ERAP2: variants seen among roughly 807,000 people sequenced by gnomAD.
ERAP2 encodes endoplasmic reticulum aminopeptidase 2.
Under a neutral mutation model 111.1 loss-of-function variants are expected in ERAP2, and 118 were observed. The ratio of observed to expected loss-of-function variants is 1.06; its 90% CI spans 0.92 to 1.24. The LOEUF (loss-of-function observed/expected upper bound fraction) is 1.24. ERAP2 is among the 50% of genes most tolerant of loss of function. The pLI, the probability that ERAP2 is intolerant of heterozygous loss-of-function variation, is 0.00. For missense variants in ERAP2, 1,131 were observed against 1,125.8 expected (o/e 1.00, Z -0.07); for synonymous variants, 410 against 401.2 (o/e 1.02, Z -0.26).
intron 2 of ERAP2, chr5:96,881,241 A>T (rs529643177): frequency 5.5e-6 from 2 of 366,390 alleles, no homozygotes; most frequent in African/African-American, 4.2e-5. Flanking sequence ...TATGTTATAG[A>T]GAAGCAGAGT....
chr5:96,916,408 G>A (rs974923230), intron 18 of ERAP2, among the ~76,000 whole-genome samples: 11 of 150,058 alleles, frequency 7.3e-5, no homozygotes, highest in African/African-American at 1.2e-4. Context: ...GTTTGGAAGC[G>A]TACTTAATGA....
intron 6 of ERAP2, 77 bp downstream of exon 6, chr5:96,892,530 CAA>C (rs1784487024): frequency 6.5e-7 from 1 of 1,530,382 alleles, no homozygotes; most frequent in Non-Finnish European, 8.9e-7. Context: ...CTTCCTGAAA[CAA>C]AATAAATCAT....
At chr5:96,902,214 A>G (rs1785546667) in intron 11 of ERAP2, 60 bp from the exon 12 acceptor site, 2 of 1,167,324 alleles carry the variant, frequency 1.7e-6, no homozygotes, top group Admixed American at 3.4e-5. Context: ...TGAGTCTGAC[A>G]ATGTGAAAAA....
chr5:96,896,582 C>T (rs2549785), intron 8 of ERAP2, 78 bp downstream of exon 8: 773,609 of 1,509,816 alleles, frequency 0.51, 199,487 homozygotes, highest in Middle Eastern at 0.61. Flanking sequence ...GTTTAAGTCA[C>T]TGGTGCCAGT....
intron 1 of ERAP2, among the ~76,000 whole-genome samples, chr5:96,877,643 A>G (rs1183468553): frequency 6.6e-6 from 1 of 152,224 alleles, no homozygotes; most frequent in African/African-American, 2.4e-5. Flanking sequence ...AACTTTGCCC[A>G]TGATCACGTA....
At chr5:96,891,086 C>T (rs748964468) in intron 5 of ERAP2, among the ~76,000 whole-genome samples, 34 of 152,064 alleles carry the variant, frequency 2.2e-4, no homozygotes, top group Admixed American at 4.6e-4. Flanking sequence ...TTTATTAGCG[C>T]TAATTTAGTT....
At position 96,909,753 on chromosome 5, in the gene ERAP2, T is replaced by G; in HGVS notation, c.2343T>G (p.Ser781Arg). The G allele has an allele frequency of 1.9e-6, 3 of 1,613,946 alleles. No individual in the cohort carries two copies. Among genetic ancestry groups the G allele is most frequent in the Non-Finnish European group, 2.5e-6 (3 of 1,179,868 alleles). The change falls in exon 15 of 19, where the codon AGT becomes AGG. Residue 781 changes from serine to arginine, a missense_variant. Ser to Arg is a moderately radical substitution (Grantham distance 110). Coordinates refer to ENST00000437043, the MANE Select transcript of ERAP2 (RefSeq NM_022350.5). ...AELFSQWMES[S>R]GKLNIPTDVL... is the part of the protein sequence containing the mutation. ...TCTTCTCCCAGTGGATGGAATCCAG[T>G]GGAAAATTAAAGTAGATGTAGACTT...
At chr5:96,895,582 G>A (rs1281419309) in intron 7 of ERAP2, among the ~76,000 whole-genome samples, 4 of 152,168 alleles carry the variant, frequency 2.6e-5, no homozygotes, top group Non-Finnish European at 5.9e-5. Flanking sequence ...TGTAAAGAGA[G>A]AAGGCAAACT....
intron 2 of ERAP2, 120 bp downstream of exon 2, chr5:96,880,380 C>G: frequency 1.1e-6 from 1 of 893,160 alleles, no homozygotes; most frequent in Non-Finnish European, 1.7e-6. Flanking sequence ...TATGGGGAAC[C>G]CAGAAGAAGG....
intron 7 of ERAP2, among the ~76,000 whole-genome samples, chr5:96,896,069 C>T (rs1784832111): frequency 6.6e-6 from 1 of 152,106 alleles, no homozygotes. Flanking sequence ...TAGGTCTAGG[C>T]ACGTAACAAG....
intron 15 of ERAP2, among the ~76,000 whole-genome samples, chr5:96,911,176 C>T (rs1044696437): frequency 2.0e-5 from 3 of 151,960 alleles, no homozygotes; most frequent in Non-Finnish European, 2.9e-5. Context: ...GATTTATTTC[C>T]GCTTAAAAAA....
At chr5:96,903,313 T>A (rs1210764997) in intron 12 of ERAP2, 64 bp from the exon 13 acceptor site, 1 of 1,275,516 alleles carries the variant, frequency 7.8e-7, no homozygotes, top group African/African-American at 1.5e-5. Context: ...AAAATAACAG[T>A]TCTGGAGATG....
At chr5:96,895,941 T>A (rs1247799539) in intron 7 of ERAP2, among the ~76,000 whole-genome samples, 1 of 151,006 alleles carries the variant, frequency 6.6e-6, no homozygotes, top group Non-Finnish European at 1.5e-5. Context: ...AGTTAGGCTC[T>A]TCTTGTTACT....
intron 9 of ERAP2, among the ~76,000 whole-genome samples, chr5:96,898,572 C>CAA (rs770783071): frequency 0.036 from 3,360 of 94,422 alleles, 151 homozygotes; most frequent in East Asian, 0.14. Context: ...TACTAAAATA[C>CAA]AAAAAAAAAA....
chr5:96,896,874 T>C lies in ERAP2; in HGVS notation c.1503+11T>C. ...AGCAGTCTGTCAAATGTAAGTCATATGTTGGGTAACGATAGACTGTTATTT... is the reference window on the plus strand; with the variant it reads ...AGCAGTCTGTCAAATGTAAGTCATACGTTGGGTAACGATAGACTGTTATTT... On this transcript the variant is annotated intron_variant, in intron 9 of 18. Coordinates refer to ENST00000437043, the MANE Select transcript of ERAP2 (RefSeq NM_022350.5). 6.4e-7 allele frequency: 1 copy of C among 1,570,064 alleles called. No individual in the cohort carries two copies. Among genetic ancestry groups the C allele is most frequent in the Non-Finnish European group, 8.6e-7 (1 of 1,165,882 alleles).
rs140891844 is a variant in ERAP2 at position 96,905,183 on chromosome 5, G to A, written c.2012+1623G>A. 5.4e-4 allele frequency among the ~76,000 whole-genome samples: 82 copies of A among 152,264 alleles called. 1 individual carries two copies. The highest frequency in any genetic ancestry group is 1.9e-3 in the African/African-American group (81 of 41,550). ...TGAAATGTCATGACATGAATAGGAG[G>A]AGGAGATGACAACATAGAAAAGTAC... On this transcript the variant is annotated intron_variant, in intron 13 of 18. Coordinates refer to ENST00000437043, the MANE Select transcript of ERAP2 (RefSeq NM_022350.5).
At chr5:96,883,458 T>C (rs1783370769) in intron 2 of ERAP2, among the ~76,000 whole-genome samples, 1 of 152,220 alleles carries the variant, frequency 6.6e-6, no homozygotes, top group South Asian at 2.1e-4. Flanking sequence ...TGAAGACATG[T>C]AGACAACATG....
In ERAP2 at chr5:96,909,780, T is replaced by C. The variant is rs1276501564; in HGVS notation, c.2354+16T>C. ...GAAAATTAAAGTAGATGTAGACTTC[T>C]GTCCTACCCTTTGTTCTTTTCTCTT... On this transcript the variant is annotated intron_variant, in intron 15 of 18. Transcript: ENST00000437043. 2.5e-6 allele frequency: 4 copies of C among 1,609,668 alleles called. No individual in the cohort carries two copies. Among genetic ancestry groups the C allele is most frequent in the South Asian group, 2.2e-5 (2 of 90,916 alleles).
intron 15 of ERAP2, 46 bp from the exon 16 acceptor site, chr5:96,912,588 GTTT>G (rs1383416360): frequency 6.6e-6 from 10 of 1,514,192 alleles, no homozygotes; most frequent in African/African-American, 1.4e-5. Context: ...TAAGAAAAAA[GTTT>G]TTCTTTCATA....
Sources: gnomAD v4.1 joint callset for allele counts (sites outside exome capture counted in the v4.1 genomes callset) on GRCh38, gnomAD v4.1.1 for gene constraint, MANE v1.5 for transcripts, NCBI Gene and HGNC (gene_info 2026-07-23, HGNC 2026-07-21) for gene names.